Variants in DSG3 observed in about 807,000 individuals in gnomAD.
DSG3 encodes desmoglein-3.
Under a neutral mutation model 85.9 loss-of-function variants are expected in DSG3, and 63 were observed. The ratio of observed to expected loss-of-function variants is 0.73; its 90% CI spans 0.60 to 0.90. DSG3 has a LOEUF of 0.90. DSG3 is among the 40% of genes least tolerant of loss of function. DSG3 has a pLI of 0.00. For synonymous variants in DSG3, 447 were observed against 441.9 expected, an observed-to-expected ratio of 1.01 and a Z score of -0.14; for missense variants, 1,220 against 1,219.9, an observed-to-expected ratio of 1.00 and a Z score of 0.00.
At chr18:31,459,208 G>C in intron 5 of DSG3, 31 bp downstream of exon 5, 1 of 1,581,708 alleles carries the variant, frequency 6.3e-7, no homozygotes, top group Non-Finnish European at 8.6e-7. Flanking sequence ...ACCACTTTCA[G>C]TTTATCTACT....
chr18:31,475,073 A>G (rs2072878106), intron 15 of DSG3, among the ~76,000 whole-genome samples: 1 of 152,206 alleles, frequency 6.6e-6, no homozygotes, highest in Non-Finnish European at 1.5e-5. Flanking sequence ...AGGATGGAAG[A>G]TCAGTGATGG....
intron 12 of DSG3, 94 bp downstream of exon 12, chr18:31,469,443 A>G: frequency 6.7e-7 from 1 of 1,499,068 alleles, no homozygotes; most frequent in Admixed American, 2.1e-5. Flanking sequence ...TGGGGAAAGA[A>G]TATTCTCTGA....
chr18:31,470,634 A>G (rs1051983405), intron 12 of DSG3, among the ~76,000 whole-genome samples: 2 of 152,180 alleles, frequency 1.3e-5, no homozygotes, highest in Admixed American at 6.5e-5. Context: ...ATGTCTAACT[A>G]TAGGGGAAAA....
chr18:31,452,562 T>TTTGAAGTTTGG (rs1328746235), intron 1 of DSG3, among the ~76,000 whole-genome samples: 1 of 151,440 alleles, frequency 6.6e-6, no homozygotes, highest in Non-Finnish European at 1.5e-5. Flanking sequence ...TTATGCCTCT[T>TTTGAAGTTTGG]TTGAAGTTTG....
intron 1 of DSG3, among the ~76,000 whole-genome samples, chr18:31,454,500 A>G (rs997851739): frequency 1.3e-5 from 2 of 152,240 alleles, no homozygotes; most frequent in Non-Finnish European, 2.9e-5. Flanking sequence ...AGAAGGGAAG[A>G]GTCCTGACAT....
chr18:31,458,472 A>G lies in DSG3; in HGVS notation c.244A>G (p.Lys82Glu), dbSNP rs1185183518. 1 of 1,614,088 alleles carries G rather than the reference A, an allele frequency of 6.2e-7. No homozygotes were observed. The highest frequency in any genetic ancestry group is 8.5e-7 in the Non-Finnish European group (1 of 1,179,970). The change falls in exon 4 of 16, where the codon AAA (lysine) becomes GAA (glutamate). Residue 82 changes from lysine to glutamate, a missense_variant. Coordinates refer to ENST00000257189, the MANE Select transcript of DSG3 (RefSeq NM_001944.3). Reference sequence around the variant, plus strand: ...TACTTCAGATTACCAAGCAACCCAGAAAATCACCTACCGAATCTCTGGAGT... The same window carrying G: ...TACTTCAGATTACCAAGCAACCCAGGAAATCACCTACCGAATCTCTGGAGT... ...KITSDYQATQ[K>E]ITYRISGVGI...
At position 31,465,768 on chromosome 18, in the gene DSG3, G is replaced by A. The variant is rs79183423; in HGVS notation, c.1411+311G>A. On this transcript the variant is annotated intron_variant, in intron 10 of 15. Coordinates refer to ENST00000257189, the MANE Select transcript of DSG3 (RefSeq NM_001944.3). ...ATGGATAAGGATTCATAGACAAAGC[G>A]CATCAGGGAATCTCAACTTGAACGT... 9.2e-4 allele frequency among the ~76,000 whole-genome samples: 140 copies of A among 152,298 alleles called. 1 individual carries two copies. Among genetic ancestry groups the A allele is most frequent in the African/African-American group, 3.1e-3 (128 of 41,562 alleles).
In DSG3 at chr18:31,472,336, A is replaced by G. The variant is rs1182188877; in HGVS notation, c.1950A>G (p.Gly650=). ...ACTGTGGGGCAGGTTCTACTGGGGG[A>G]GTGACAGGTGGTTTTATCCCAGTTC... ...TCDCGAGSTG[G]VTGGFIPVPD... is the part of the protein sequence containing the mutation. The change falls in exon 13 of 16, where the codon GGA becomes GGG. Residue 650 remains glycine (G), a synonymous_variant. Transcript: ENST00000257189. 6.2e-6 allele frequency: 10 copies of G among 1,613,938 alleles called. No homozygotes were observed. In the South Asian group the frequency reaches 1.1e-4, roughly 18 times the overall value.
intron 1 of DSG3, among the ~76,000 whole-genome samples, chr18:31,452,912 T>C (rs2072720252): frequency 6.6e-6 from 1 of 152,172 alleles, no homozygotes; most frequent in Non-Finnish European, 1.5e-5. Context: ...CTTAGCATTC[T>C]GTCATGATAC....
intron 12 of DSG3, among the ~76,000 whole-genome samples, chr18:31,471,562 C>T (rs1274873960): frequency 6.6e-6 from 1 of 152,128 alleles, no homozygotes; most frequent in Non-Finnish European, 1.5e-5. Flanking sequence ...GCAGAGGTGG[C>T]AGTGGGGCCA....
At position 31,476,442 on chromosome 18, in the gene DSG3, C is replaced by T; in HGVS notation, c.*182C>T. 1.7e-6 allele frequency: 1 copy of T among 586,522 alleles called. No homozygotes were observed. Among genetic ancestry groups the T allele is most frequent in the South Asian group, 3.9e-5 (1 of 25,908 alleles). 36.3% of individuals were successfully genotyped at this position (586,522 alleles called of 1,614,324 possible). Reference sequence around the variant, plus strand: ...ATACCCCAAAAGCAATATGTTGTCACTCCTAATTCTCAAGTACTATTCAAA... The same window carrying T: ...ATACCCCAAAAGCAATATGTTGTCATTCCTAATTCTCAAGTACTATTCAAA... On this transcript the variant is annotated 3_prime_UTR_variant, in exon 16 of 16. Coordinates refer to ENST00000257189, the MANE Select transcript of DSG3 (RefSeq NM_001944.3).
In DSG3 at chr18:31,461,221, T is replaced by C; in HGVS notation, c.814-6T>C. 1 of 1,606,724 alleles carries C rather than the reference T, an allele frequency of 6.2e-7. No homozygotes were observed. Among genetic ancestry groups the C allele is most frequent in the Non-Finnish European group, 8.5e-7 (1 of 1,176,742 alleles). ...AGGTCTTTAATTCTGCTTCTCGCCT[T>C]TTCAGTATTCAGCACGTATTGAAGA... On this transcript the variant is annotated splice_region_variant and splice_polypyrimidine_tract_variant and intron_variant, in intron 7 of 15. Transcript: ENST00000257189.
At chr18:31,455,812 G>A (rs1476022158) in intron 1 of DSG3, among the ~76,000 whole-genome samples, 2 of 152,188 alleles carry the variant, frequency 1.3e-5, no homozygotes, top group Non-Finnish European at 2.9e-5. Flanking sequence ...TTAAATTGAA[G>A]TAATAGAGCA....
At position 31,475,243 on chromosome 18, in the gene DSG3, A is replaced by G. The variant is rs192419315; in HGVS notation, c.2386-403A>G. ...GATCTCACATTGAGTTTTGGTATCA[A>G]TACTGGTAAGTGCCAAGGTCTGACC... On this transcript the variant is annotated intron_variant, in intron 15 of 15. Transcript: ENST00000257189. Among the ~76,000 whole-genome samples, 56 of 152,360 alleles carry G rather than the reference A, an allele frequency of 3.7e-4. 1 individual carries two copies. The East Asian group carries it at 9.1e-3, about 25-fold the overall frequency.
intron 4 of DSG3, 101 bp from the exon 5 acceptor site, chr18:31,458,932 C>A (rs1223202793): frequency 1.4e-6 from 2 of 1,402,154 alleles, no homozygotes; most frequent in Non-Finnish European, 2.0e-6. Context: ...CTTCTTTGCA[C>A]AAAAGTGATG....
At chr18:31,458,727 A>G in intron 4 of DSG3, 127 bp downstream of exon 4, 5 of 1,111,370 alleles carry the variant, frequency 4.5e-6, no homozygotes, top group Non-Finnish European at 6.3e-6. Flanking sequence ...AGCAAATAAC[A>G]ATATTAGTCC....
At chr18:31,475,115 A>G (rs2072878396) in intron 15 of DSG3, among the ~76,000 whole-genome samples, 9 of 152,208 alleles carry the variant, frequency 5.9e-5, no homozygotes, top group Admixed American at 5.9e-4. Context: ...CATAGAACAG[A>G]AAAGGAACAT....
intron 1 of DSG3, among the ~76,000 whole-genome samples, chr18:31,455,578 GAC>G (rs1214799143): frequency 1.3e-5 from 2 of 152,232 alleles, no homozygotes; most frequent in African/African-American, 4.8e-5. Context: ...CATCAGTAAA[GAC>G]AATTTCATGG....
Position 31,475,977 on chromosome 18 carries a change from G to C in DSG3, c.2717G>C (p.Gly906Ala). 1 of 1,614,182 alleles carries C rather than the reference G, an allele frequency of 6.2e-7. No individual in the cohort carries two copies. The highest frequency in any genetic ancestry group is 8.5e-7 in the Non-Finnish European group (1 of 1,180,036). Residue 906 changes from glycine (G) to alanine (A), a missense_variant, in exon 16 of 16, where the codon GGA (glycine) becomes GCA (alanine). Physicochemically the swap from Gly to Ala is moderately conservative, Grantham distance 60. Transcript: ENST00000257189. ...TGCCAGACTTTGTCAGGAAGTCAAG[G>C]AGCTTCTGCTTTGTCCACCTCTGGG... The part of the protein sequence containing the change: ...VKCQTLSGSQ[G>A]ASALSTSGSV...
Sources: allele counts gnomAD v4.1 joint callset (sites outside exome capture counted in the v4.1 genomes callset), GRCh38; gene constraint gnomAD v4.1.1; transcripts MANE v1.5; gene names NCBI Gene and HGNC (gene_info 2026-07-23, HGNC 2026-07-21).